Variants in TMEM178B observed in about 807,000 individuals in gnomAD.
TMEM178B encodes transmembrane protein 178B.
In TMEM178B, 5 loss-of-function variants were observed where a neutral mutation model predicts 31.0. The observed-to-expected ratio is 0.16, with a 90% CI of 0.08 to 0.34. The LOEUF (loss-of-function observed/expected upper bound fraction) is 0.34, where lower values mean the gene tolerates loss of function less well. Among genes scored for constraint, TMEM178B ranks in the 10% least tolerant of loss-of-function variants. The probability of loss-of-function intolerance (pLI) is 1.00; values close to 1 mark genes in which losing one functional copy is unlikely to be tolerated. For synonymous variants in TMEM178B, 164 were observed against 164.0 expected, an observed-to-expected ratio of 1.00 and a Z score of 0.00; for missense variants, 275 against 400.3, an observed-to-expected ratio of 0.69 and a Z score of 2.67.
At chr7:141,481,243 G>A (rs189650107), downstream of TMEM178B, among the ~76,000 whole-genome samples, 71 of 152,266 alleles carry the variant, frequency 4.7e-4, no homozygotes, top group African/African-American at 1.6e-3. Context: ...ACATGGGTGC[G>A]CCATCTAAGG....
chr7:141,236,535 C>T (rs1161997865), intron 2 of TMEM178B, among the ~76,000 whole-genome samples: 1 of 152,216 alleles, frequency 6.6e-6, no homozygotes. Flanking sequence ...CTGCAGCCTC[C>T]ATCTTCCCTC....
chr7:141,188,637 A>G (rs10267296), intron 1 of TMEM178B, among the ~76,000 whole-genome samples: 104,656 of 152,100 alleles, frequency 0.69, 36,394 homozygotes, highest in Middle Eastern at 0.72. Flanking sequence ...CCTAGGTGTT[A>G]TGAGGAGATA....
At chr7:141,383,824 A>C (rs1800376725) in intron 2 of TMEM178B, among the ~76,000 whole-genome samples, 1 of 152,252 alleles carries the variant, frequency 6.6e-6, no homozygotes, top group South Asian at 2.1e-4. Flanking sequence ...ACTAGTTTAC[A>C]GACCCATCAA....
chr7:141,341,404 C>G (rs1799513566), intron 2 of TMEM178B, among the ~76,000 whole-genome samples: 1 of 152,150 alleles, frequency 6.6e-6, no homozygotes, highest in Non-Finnish European at 1.5e-5. Flanking sequence ...TGCCCAGTCC[C>G]ATTTTACCTA....
intron 1 of TMEM178B, among the ~76,000 whole-genome samples, chr7:141,161,135 A>C (rs192464521): frequency 6.6e-6 from 1 of 152,202 alleles, no homozygotes; most frequent in African/African-American, 2.4e-5. Context: ...GATTACAGGC[A>C]CGAACCACTG....
intron 2 of TMEM178B, among the ~76,000 whole-genome samples, chr7:141,248,638 C>T (rs1237961706): frequency 6.6e-6 from 1 of 151,914 alleles, no homozygotes; most frequent in South Asian, 2.1e-4. Flanking sequence ...ATTTGTATAT[C>T]GAAATATAGA....
chr7:141,399,708 G>T (rs1209311065), intron 2 of TMEM178B, among the ~76,000 whole-genome samples: 1 of 152,114 alleles, frequency 6.6e-6, no homozygotes, highest in African/African-American at 2.4e-5. Flanking sequence ...CGCCTTCGTT[G>T]TTTGCACCTT....
chr7:141,120,153 A>C (rs927438249), intron 1 of TMEM178B, among the ~76,000 whole-genome samples: 3 of 152,238 alleles, frequency 2.0e-5, no homozygotes, highest in African/African-American at 7.2e-5. Context: ...GTGGACCTGA[A>C]GTCAGAAGCC....
intron 2 of TMEM178B, among the ~76,000 whole-genome samples, chr7:141,252,443 C>T (rs1797849292): frequency 6.6e-6 from 1 of 152,214 alleles, no homozygotes; most frequent in Non-Finnish European, 1.5e-5. Flanking sequence ...AAATTCTGAA[C>T]TCTTCGATAA....
intron 2 of TMEM178B, among the ~76,000 whole-genome samples, chr7:141,261,015 A>C (rs1395765913): frequency 2.0e-5 from 3 of 152,246 alleles, no homozygotes; most frequent in Non-Finnish European, 4.4e-5. Context: ...ACCATTTTGT[A>C]ATAATATAAA....
intron 2 of TMEM178B, among the ~76,000 whole-genome samples, chr7:141,261,892 A>G (rs1798019840): frequency 6.6e-6 from 1 of 152,158 alleles, no homozygotes; most frequent in Admixed American, 6.5e-5. Context: ...TGGCTCTTAG[A>G]CCTGGAAGGA....
At position 141,386,722 on chromosome 7, in the gene TMEM178B, G is replaced by A. The variant is rs188715052; in HGVS notation, c.497-50886G>A. On this transcript the variant is annotated intron_variant, in intron 2 of 3. Transcript: ENST00000565468. ...ACACTGCGACTATGCATATACCTGC[G>A]TTATCTTCGGCCTGTCCTTTGTTTG... is the stretch of plus-strand genomic sequence containing the variant. 3.5e-3 allele frequency among the ~76,000 whole-genome samples: 532 copies of A among 152,248 alleles called. 3 individuals carry two copies. Among genetic ancestry groups the A allele is most frequent in the African/African-American group, 0.012 (498 of 41,542 alleles).
intron 2 of TMEM178B, among the ~76,000 whole-genome samples, chr7:141,428,385 GAAA>G (rs796878471): frequency 1.9e-5 from 2 of 106,866 alleles, no homozygotes; most frequent in African/African-American, 4.0e-5. Context: ...AAAAAAAAAA[GAAA>G]AAAAGAAAAG....
intron 1 of TMEM178B, among the ~76,000 whole-genome samples, chr7:141,195,447 G>T (rs1315968117): frequency 6.6e-6 from 1 of 152,194 alleles, no homozygotes; most frequent in Non-Finnish European, 1.5e-5. Context: ...CATAACAGGA[G>T]TCACCTTTAC....
chr7:141,334,392 T>C (rs1807329), intron 2 of TMEM178B, among the ~76,000 whole-genome samples: 35,341 of 152,102 alleles, frequency 0.23, 4,381 homozygotes, highest in African/African-American at 0.32. Flanking sequence ...ATATTGTGAG[T>C]CTGGTACTAC....
At chr7:141,206,460 G>T (rs1796963938) in intron 1 of TMEM178B, among the ~76,000 whole-genome samples, 1 of 152,182 alleles carries the variant, frequency 6.6e-6, no homozygotes, top group African/African-American at 2.4e-5. Context: ...GCTCCTGGAG[G>T]TTGACCTACC....
intron 2 of TMEM178B, among the ~76,000 whole-genome samples, chr7:141,336,770 A>G (rs1028413374): frequency 2.3e-4 from 35 of 150,766 alleles, no homozygotes; most frequent in Non-Finnish European, 4.1e-4. Context: ...CAACACTACA[A>G]TCATCACCAT....
At chr7:141,163,726 C>T (rs1432442778) in intron 1 of TMEM178B, among the ~76,000 whole-genome samples, 9 of 151,998 alleles carry the variant, frequency 5.9e-5, no homozygotes, top group Admixed American at 5.9e-4. Flanking sequence ...TGTGGCCAGG[C>T]TGGCTTTGAA....
chr7:141,470,477 G>C, intron 3 of TMEM178B, 59 bp from the exon 4 acceptor site: 1 of 1,381,178 alleles, frequency 7.2e-7, no homozygotes, highest in Non-Finnish European at 9.4e-7. Flanking sequence ...TCTCTCTCCC[G>C]CTCCTCTCCC....
Sources: allele counts gnomAD v4.1 joint callset (sites outside exome capture counted in the v4.1 genomes callset), GRCh38; gene constraint gnomAD v4.1.1; transcripts MANE v1.5; gene names NCBI Gene and HGNC (gene_info 2026-07-23, HGNC 2026-07-21).